ZNF862: variants seen among roughly 807,000 people sequenced by gnomAD.
The protein encoded by ZNF862 is zinc finger protein 862.
In ZNF862, 64 loss-of-function variants were observed where a neutral mutation model predicts 91.1. That is an observed-to-expected ratio of 0.70 (90% CI 0.57 to 0.87). ZNF862 has a LOEUF of 0.87. Among genes scored for constraint, ZNF862 ranks in the 40% least tolerant of loss-of-function variants. The probability of loss-of-function intolerance (pLI) is 0.00; values close to 1 mark genes in which losing one functional copy is unlikely to be tolerated. For missense variants in ZNF862, 1,459 were observed against 1,528.0 expected (o/e 0.95, Z 0.75); for synonymous variants, 631 against 618.1 (o/e 1.02, Z -0.31).
At chr7:149,863,769 C>T (rs1297151725) in intron 7 of ZNF862, among the ~76,000 whole-genome samples, 11 of 152,194 alleles carry the variant, frequency 7.2e-5, no homozygotes, top group Admixed American at 5.2e-4. Context: ...GTTGGGGGCC[C>T]TTCCTGTTCA....
chr7:149,843,734 A>T (rs1801781133), intron 1 of ZNF862, among the ~76,000 whole-genome samples: 1 of 152,106 alleles, frequency 6.6e-6, no homozygotes, highest in Non-Finnish European at 1.5e-5. Flanking sequence ...ATGTAAAGGA[A>T]CCTGGGGAGG....
chr7:149,838,570 C>G lies in ZNF862; in HGVS notation c.-42C>G, dbSNP rs1801597738. On this transcript the variant is annotated 5_prime_UTR_variant, in exon 1 of 8. Transcript: ENST00000223210. ...GCGGCGGCTGCATCCTCAGGCCAGGCCGCGGGGGGAGGGGGCGGCACGGGC... is the reference window on the plus strand; with the variant it reads ...GCGGCGGCTGCATCCTCAGGCCAGGGCGCGGGGGGAGGGGGCGGCACGGGC... 8.3e-7 allele frequency: 1 copy of G among 1,204,986 alleles called. No homozygotes were observed. The highest frequency in any genetic ancestry group is 1.0e-6 in the Non-Finnish European group (1 of 963,100). 74.6% of individuals were successfully genotyped at this position (1,204,986 alleles called of 1,614,324 possible).
At chr7:149,860,284 T>C in intron 6 of ZNF862, 99 bp from the exon 7 acceptor site, 1 of 1,068,538 alleles carries the variant, frequency 9.4e-7, no homozygotes, top group South Asian at 1.6e-5. Context: ...TTCTCTGCCT[T>C]GCTTAAGGGA....
rs1243393756 is a variant in ZNF862, at chr7:149,861,885, A to G, written c.2725A>G (p.Lys909Glu). ...GCGGCTCCACGGCATCTGCTTGGACAAACTGGAGGTAGCGGAACAGCGGTT... is the reference window on the plus strand; with the variant it reads ...GCGGCTCCACGGCATCTGCTTGGACGAACTGGAGGTAGCGGAACAGCGGTT... ...DGRLHGICLD[K>E]LEVAEQRFQA... The change falls in exon 7 of 8, where the codon AAA becomes GAA. Residue 909 changes from lysine (K) to glutamate (E), a missense_variant. Coordinates refer to ENST00000223210, the MANE Select transcript of ZNF862 (RefSeq NM_001099220.3). The surrounding 1 kb of genome is among the most constrained non-coding windows in gnomAD (Gnocchi z 6.7). 7 of 1,613,670 alleles carry G rather than the reference A, an allele frequency of 4.3e-6. No homozygotes were observed. Among genetic ancestry groups the G allele is most frequent in the Non-Finnish European group, 5.9e-6 (7 of 1,179,868 alleles).
Position 149,861,011 on chromosome 7 carries a change from C to G in ZNF862, c.1851C>G (p.Asp617Glu). 2 of 1,613,200 alleles carry G rather than the reference C, an allele frequency of 1.2e-6. No homozygotes were observed. Among genetic ancestry groups the G allele is most frequent in the Non-Finnish European group, 1.7e-6 (2 of 1,179,786 alleles). ...SETLKREILE[D>E]VRNSPCVSVL... The stretch of plus-strand genomic sequence containing the variant: ...CCCTGAAGAGGGAGATCCTGGAGGA[C>G]GTGCGGAACTCGCCCTGTGTGAGCG... Residue 617 changes from aspartate to glutamate, a missense_variant, in exon 7 of 8, where the codon GAC becomes GAG. Transcript: ENST00000223210. This position sits in a 1 kb window ranked among gnomAD's most constrained non-coding sequence, Gnocchi z 6.7.
At chr7:149,863,405 C>CT (rs11376862) in intron 7 of ZNF862, among the ~76,000 whole-genome samples, 2,838 of 152,062 alleles carry the variant, frequency 0.019, 80 homozygotes, top group African/African-American at 0.064. Context: ...GTTTTCACCT[C>CT]TGAGTCTGTG....
chr7:149,839,588 C>T (rs537207409), intron 1 of ZNF862, among the ~76,000 whole-genome samples: 1 of 152,152 alleles, frequency 6.6e-6, no homozygotes, highest in Non-Finnish European at 1.5e-5. Flanking sequence ...AGGGTTGTCC[C>T]ACACGAAAAG....
At chr7:149,854,822 G>T (rs571330805) in intron 5 of ZNF862, among the ~76,000 whole-genome samples, 1 of 152,366 alleles carries the variant, frequency 6.6e-6, no homozygotes, top group East Asian at 1.9e-4. Context: ...ATCGTCACGT[G>T]CCCTGAAGCT....
intron 5 of ZNF862, among the ~76,000 whole-genome samples, chr7:149,857,746 G>C (rs1165788430): frequency 6.6e-6 from 1 of 152,138 alleles, no homozygotes; most frequent in Non-Finnish European, 1.5e-5. Context: ...ACCCACAAAA[G>C]TCAGTGTCCA....
At chr7:149,840,606 TG>T (rs1289171786) in intron 1 of ZNF862, among the ~76,000 whole-genome samples, 2 of 151,868 alleles carry the variant, frequency 1.3e-5, no homozygotes, top group Non-Finnish European at 2.9e-5. Context: ...GCTCCATTCA[TG>T]GTAAGTGCCC....
intron 7 of ZNF862, among the ~76,000 whole-genome samples, chr7:149,863,193 T>C (rs934407168): frequency 2.0e-5 from 3 of 151,826 alleles, no homozygotes; most frequent in Non-Finnish European, 2.9e-5. Flanking sequence ...ACAGGAAATT[T>C]TTCTCTTCAA....
chr7:149,860,617 T>C lies in ZNF862; in HGVS notation c.1457T>C (p.Phe486Ser). The C allele has an allele frequency of 6.2e-7, 1 of 1,614,022 alleles. No individual in the cohort carries two copies. Among genetic ancestry groups the C allele is most frequent in the South Asian group, 1.1e-5 (1 of 91,082 alleles). ...ATTGACCCCAAAGAGACCAAACTCT[T>C]CTGCTCAGCCTGCATAGAAAGACCT... ...LVIDPKETKLFCSACIERPNL... is the reference protein window; with the variant it reads ...LVIDPKETKLSCSACIERPNL... The change falls in exon 7 of 8, where the codon TTC (phenylalanine) becomes TCC (serine). Residue 486 changes from phenylalanine (F) to serine (S), a missense_variant. Coordinates refer to ENST00000223210, the MANE Select transcript of ZNF862 (RefSeq NM_001099220.3).
At chr7:149,840,544 C>T (rs1437488945) in intron 1 of ZNF862, among the ~76,000 whole-genome samples, 1 of 151,946 alleles carries the variant, frequency 6.6e-6, no homozygotes, top group Non-Finnish European at 1.5e-5. Flanking sequence ...CATTCTCTCA[C>T]CACTCACTCA....
chr7:149,848,215 T>C lies in ZNF862; in HGVS notation c.722T>C (p.Ile241Thr), dbSNP rs1456712660. ...PEPLFTADCP[I>T]FYPPGPLGGF... The stretch of plus-strand genomic sequence containing the variant: ...CCGCTCTTCACTGCAGATTGCCCCA[T>C]ATTCTACCCCCCAGGGCCTCTGGGA... The change falls in exon 4 of 8, where the codon ATA (isoleucine) becomes ACA (threonine). Residue 241 changes from isoleucine to threonine, a missense_variant. By Grantham distance (89) the Ile-to-Thr change is moderately conservative. Transcript: ENST00000223210. The C allele has an allele frequency of 2.5e-6, 4 of 1,613,790 alleles. No individual in the cohort carries two copies. The African/African-American group carries it at 5.3e-5, about 22-fold the overall frequency.
In ZNF862 at chr7:149,850,302, G is replaced by A. The variant is rs766219173; in HGVS notation, c.1081G>A (p.Val361Met). The A allele has an allele frequency of 3.7e-6, 6 of 1,613,332 alleles. No homozygotes were observed. Among genetic ancestry groups the A allele is most frequent in the East Asian group, 2.2e-5 (1 of 44,882 alleles). ...GCGGCAGAAGGAGCTGTACAGAGAC[G>A]TGATGCGGATGAACTACGAGCTGTT... ...DKRQKELYRD[V>M]MRMNYELLAS... is the part of the protein sequence containing the mutation. Residue 361 changes from valine (V) to methionine (M), a missense_variant, in exon 5 of 8, where the codon GTG becomes ATG. Physicochemically the swap from Val to Met is conservative, Grantham distance 21. Coordinates refer to ENST00000223210, the MANE Select transcript of ZNF862 (RefSeq NM_001099220.3). The surrounding 1 kb of genome is among the most constrained non-coding windows in gnomAD (Gnocchi z 4.2).
At chr7:149,852,082 G>A (rs1802083490) in intron 5 of ZNF862, 1 of 152,064 alleles carries the variant, frequency 6.6e-6, no homozygotes, top group Non-Finnish European at 1.5e-5. Context: ...AGGAGCCTGG[G>A]GACTATGGGC....
In ZNF862 at chr7:149,846,260, G is replaced by A. The variant is rs773816972; in HGVS notation, c.241+5G>A. ...GCCTTCTGGAGCATCACCCAGGTGA[G>A]TGTGGAACTGCACTCAGGGGCAGAT... On this transcript the variant is annotated splice_donor_5th_base_variant and intron_variant, in intron 3 of 7. Transcript: ENST00000223210. The A allele has an allele frequency of 6.2e-7, 1 of 1,609,958 alleles. No individual in the cohort carries two copies. The highest frequency in any genetic ancestry group is 1.1e-5 in the South Asian group (1 of 90,624).
At chr7:149,853,621 C>A (rs995617946) in intron 5 of ZNF862, among the ~76,000 whole-genome samples, 1 of 152,018 alleles carries the variant, frequency 6.6e-6, no homozygotes, top group African/African-American at 2.4e-5. Flanking sequence ...ACATTTGGTC[C>A]CTGTTTGTTT....
Position 149,864,300 on chromosome 7 carries a change from T to C in ZNF862, c.*16T>C. On this transcript the variant is annotated 3_prime_UTR_variant, in exon 8 of 8. Transcript: ENST00000223210. ...GATGTCCTGAGGGACAGGGAGTCCT[T>C]GGGACTGCCTTGGAGACGCCTCTGT... is the stretch of plus-strand genomic sequence containing the variant. 1 of 1,585,856 alleles carries C rather than the reference T, an allele frequency of 6.3e-7. No homozygotes were observed. The highest frequency in any genetic ancestry group is 8.6e-7 in the Non-Finnish European group (1 of 1,167,184).
Sources: gnomAD v4.1 joint callset for allele counts (sites outside exome capture counted in the v4.1 genomes callset) on GRCh38, gnomAD v4.1.1 for gene constraint, Gnocchi (gnomAD v3.1) non-coding constraint, MANE v1.5 for transcripts, NCBI Gene and HGNC (gene_info 2026-07-23, HGNC 2026-07-21) for gene names.